The following CNTNAP5 variants were observed in gnomAD, a reference collection of about 807,000 sequenced individuals.
CNTNAP5 encodes the protein contactin-associated protein-like 5.
In CNTNAP5, 72 loss-of-function variants were observed where a neutral mutation model predicts 150.2. That is an observed-to-expected ratio of 0.48 (90% CI 0.40 to 0.58). The LOEUF (loss-of-function observed/expected upper bound fraction) is 0.58. Ranked by LOEUF, CNTNAP5 falls within the 20% of genes least tolerant of loss-of-function variation. The pLI is 0.00. For missense variants in CNTNAP5, 1,636 were observed against 1,626.2 expected, an observed-to-expected ratio of 1.01 and a Z score of -0.10; for synonymous variants, 672 against 619.8, an observed-to-expected ratio of 1.08 and a Z score of -1.25.
intron 9 of CNTNAP5, among the ~76,000 whole-genome samples, chr2:124,526,236 A>C (rs1402503295): frequency 6.6e-6 from 1 of 152,210 alleles, no homozygotes; most frequent in Non-Finnish European, 1.5e-5. Context: ...GTGTTTAAAC[A>C]AATGCCCCAC....
At position 124,489,946 on chromosome 2, in the gene CNTNAP5, G is replaced by T. The variant is rs552504763; in HGVS notation, c.1063-14346G>T. On this transcript the variant is annotated intron_variant, in intron 7 of 23. Transcript: ENST00000682447. ...CTTAGTCACCTGAAAATACATGTCTGCAAGGGAAGTGGGGAAATGTAGTCA... is the reference window on the plus strand; with the variant it reads ...CTTAGTCACCTGAAAATACATGTCTTCAAGGGAAGTGGGGAAATGTAGTCA... 4.7e-4 allele frequency among the ~76,000 whole-genome samples: 71 copies of T among 152,242 alleles called. 1 individual carries two copies. The South Asian group carries it at 0.014, about 31-fold the overall frequency.
chr2:124,490,391 G>T (rs1360863569), intron 7 of CNTNAP5, among the ~76,000 whole-genome samples: 1 of 137,994 alleles, frequency 7.2e-6, no homozygotes, highest in African/African-American at 2.6e-5. Flanking sequence ...GGGAGGGAGG[G>T]AGGGAGGGAG....
rs977603115 is a variant in CNTNAP5 at position 124,655,376 on chromosome 2, T to C, written c.2077+7418T>C. 1.1e-4 allele frequency among the ~76,000 whole-genome samples: 16 copies of C among 152,252 alleles called. No homozygotes were observed. In the East Asian group the frequency reaches 3.1e-3, roughly 29 times the overall value. ...TCCATGGTGTATATGTGCCACATTT[T>C]CTTAATCCAGTCTATCACTGATGGA... On this transcript the variant is annotated intron_variant, in intron 13 of 23. Coordinates refer to ENST00000682447, the MANE Select transcript of CNTNAP5 (RefSeq NM_001367498.1).
At chr2:124,150,213 T>C (rs76829156) in intron 1 of CNTNAP5, among the ~76,000 whole-genome samples, 2,930 of 152,322 alleles carry the variant, frequency 0.019, 212 homozygotes, top group Admixed American at 0.14. Flanking sequence ...ACATTTAGAT[T>C]TGTTTGCCCT....
intron 10 of CNTNAP5, among the ~76,000 whole-genome samples, chr2:124,547,761 A>G (rs1443743573): frequency 6.6e-6 from 1 of 152,190 alleles, no homozygotes; most frequent in Non-Finnish European, 1.5e-5. Context: ...AGGCTGCAGG[A>G]TTCAGCAATT....
intron 6 of CNTNAP5, among the ~76,000 whole-genome samples, chr2:124,452,717 C>T (rs1020231155): frequency 3.9e-5 from 6 of 152,086 alleles, no homozygotes; most frequent in African/African-American, 7.2e-5. Context: ...GTAGTCAACC[C>T]GCAGTACCAG....
intron 3 of CNTNAP5, among the ~76,000 whole-genome samples, chr2:124,350,861 A>C (rs1245358386): frequency 6.6e-6 from 1 of 152,184 alleles, no homozygotes; most frequent in East Asian, 1.9e-4. Flanking sequence ...CCCTCTCTTT[A>C]AAGCCTTTTT....
intron 19 of CNTNAP5, among the ~76,000 whole-genome samples, chr2:124,849,479 C>A (rs1015695356): frequency 6.6e-6 from 1 of 152,078 alleles, no homozygotes; most frequent in African/African-American, 2.4e-5. Context: ...ATGCCTCCAG[C>A]CTTGTTCTTC....
chr2:124,866,613 G>A (rs1273666729), intron 20 of CNTNAP5, among the ~76,000 whole-genome samples: 6 of 152,144 alleles, frequency 3.9e-5, no homozygotes, highest in South Asian at 2.1e-4. Flanking sequence ...CCATGTGAGC[G>A]CAGGCTAAAG....
intron 6 of CNTNAP5, 107 bp downstream of exon 6, chr2:124,447,044 T>A (rs1281564328): frequency 1.9e-6 from 2 of 1,074,606 alleles, no homozygotes; most frequent in Non-Finnish European, 2.7e-6. Context: ...CACTGAGGAG[T>A]CTTACCCTGG....
At chr2:124,611,032 TTG>T (rs1281239209) in intron 12 of CNTNAP5, among the ~76,000 whole-genome samples, 2 of 150,600 alleles carry the variant, frequency 1.3e-5, no homozygotes, top group African/African-American at 4.9e-5. Flanking sequence ...CATTTTTTGT[TTG>T]TTTGTTTGTT....
chr2:124,448,826 A>G (rs991416561), intron 6 of CNTNAP5, among the ~76,000 whole-genome samples: 2 of 152,250 alleles, frequency 1.3e-5, no homozygotes, highest in Non-Finnish European at 2.9e-5. Flanking sequence ...AGAACTTACA[A>G]TAATAGATTA....
intron 3 of CNTNAP5, among the ~76,000 whole-genome samples, chr2:124,287,402 AT>A (rs1372921666): frequency 6.6e-6 from 1 of 152,130 alleles, no homozygotes; most frequent in Non-Finnish European, 1.5e-5. Flanking sequence ...ACTTCAAAAT[AT>A]GTTTTTCTAC....
At chr2:124,232,346 T>C (rs1308756788) in intron 2 of CNTNAP5, among the ~76,000 whole-genome samples, 1 of 152,170 alleles carries the variant, frequency 6.6e-6, no homozygotes, top group Non-Finnish European at 1.5e-5. Context: ...TAGATGTTTT[T>C]CCTTCGTCTA....
intron 3 of CNTNAP5, among the ~76,000 whole-genome samples, chr2:124,402,084 A>C (rs1691439633): frequency 6.6e-6 from 1 of 152,218 alleles, no homozygotes; most frequent in Admixed American, 6.5e-5. Flanking sequence ...TAAGATTTGC[A>C]TCAGAAATAA....
chr2:124,033,294 C>A (rs751385078), intron 1 of CNTNAP5, among the ~76,000 whole-genome samples: 15 of 152,098 alleles, frequency 9.9e-5, no homozygotes, highest in Non-Finnish European at 1.8e-4. Flanking sequence ...TTTTAACTAT[C>A]CACCTTTAGA....
At chr2:124,754,524 A>C (rs775179266) in intron 14 of CNTNAP5, among the ~76,000 whole-genome samples, 6 of 152,070 alleles carry the variant, frequency 3.9e-5, no homozygotes, top group Non-Finnish European at 7.4e-5. Context: ...CTGCTGAATG[A>C]GAGGATGCAT....
At chr2:124,235,696 G>A (rs1466621240) in intron 2 of CNTNAP5, among the ~76,000 whole-genome samples, 1 of 152,032 alleles carries the variant, frequency 6.6e-6, no homozygotes, top group Non-Finnish European at 1.5e-5. Context: ...CTGACTTCCA[G>A]GAAAGCCAAA....
At chr2:124,548,594 T>C (rs1014436947) in intron 10 of CNTNAP5, among the ~76,000 whole-genome samples, 6 of 151,794 alleles carry the variant, frequency 4.0e-5, no homozygotes, top group African/African-American at 1.5e-4. Context: ...AGCTTAGCAA[T>C]GTGCAAACCA....
Sources: gnomAD v4.1 joint callset for allele counts (sites outside exome capture counted in the v4.1 genomes callset) on GRCh38, gnomAD v4.1.1 for gene constraint, MANE v1.5 for transcripts, NCBI Gene and HGNC (gene_info 2026-07-23, HGNC 2026-07-21) for gene names.